Variants in BMAL1 observed in about 807,000 individuals in gnomAD.
BMAL1 encodes the protein basic helix-loop-helix ARNT like 1.
chr11:13,281,242 G>A, the BMAL1 span, among the ~76,000 whole-genome samples: 6 of 152,098 alleles, frequency 3.9e-5, no homozygotes, highest in East Asian at 5.8e-4. Flanking sequence ...GGATGGAAGA[G>A]GCAGAGTCAG....
At chr11:13,363,711 T>C in the BMAL1 span, among the ~76,000 whole-genome samples, 3 of 152,252 alleles carry the variant, frequency 2.0e-5, no homozygotes, top group Non-Finnish European at 1.5e-5. Flanking sequence ...TACTTCCCCA[T>C]GTTTTGAAAA....
At chr11:13,314,353 CTGTT>C in the BMAL1 span, among the ~76,000 whole-genome samples, 1 of 151,448 alleles carries the variant, frequency 6.6e-6, no homozygotes, top group Non-Finnish European at 1.5e-5. Flanking sequence ...GAGGAGTGGT[CTGTT>C]TGTGCAGCCA....
At chr11:13,352,314 C>T in the BMAL1 span, among the ~76,000 whole-genome samples, 17 of 152,132 alleles carry the variant, frequency 1.1e-4, no homozygotes, top group Non-Finnish European at 2.5e-4. Flanking sequence ...GGGCGGCATG[C>T]AGGCCTCTAA....
the BMAL1 span, among the ~76,000 whole-genome samples, chr11:13,314,048 A>G: frequency 6.6e-6 from 1 of 151,898 alleles, no homozygotes; most frequent in Admixed American, 6.6e-5. Flanking sequence ...ACTCAACTCC[A>G]GTTTCCCCCA....
the BMAL1 span, chr11:13,375,475 G>T: frequency 1.6e-6 from 1 of 623,448 alleles, no homozygotes; most frequent in Non-Finnish European, 2.6e-6. Context: ...CCTGAGTGTT[G>T]ACCACTGCAG....
chr11:13,330,824 A>G, the BMAL1 span, among the ~76,000 whole-genome samples: 3 of 152,238 alleles, frequency 2.0e-5, no homozygotes, highest in African/African-American at 7.2e-5. Flanking sequence ...GTGCCACTCA[A>G]AGGCGCAGTA....
the BMAL1 span, among the ~76,000 whole-genome samples, chr11:13,322,778 CTTTTTTTTTTTTTT>C: frequency 1.7e-3 from 86 of 50,346 alleles, no homozygotes; most frequent in African/African-American, 4.5e-3. Flanking sequence ...GTGAGCAAGT[CTTTTTTTTTTTTTT>C]TTTTTTTTTT....
chr11:13,370,484 A>C, the BMAL1 span, among the ~76,000 whole-genome samples: 1 of 152,242 alleles, frequency 6.6e-6, no homozygotes, highest in Non-Finnish European at 1.5e-5. Context: ...CTCCTCCAGC[A>C]TAAATGGCAC....
chr11:13,320,035 T>C, the BMAL1 span, among the ~76,000 whole-genome samples: 1 of 152,234 alleles, frequency 6.6e-6, no homozygotes, highest in Non-Finnish European at 1.5e-5. Context: ...TTCATAGATT[T>C]CTCACAGGAG....
the BMAL1 span, chr11:13,365,541 G>A: frequency 6.2e-7 from 1 of 1,613,656 alleles, no homozygotes; most frequent in Non-Finnish European, 8.5e-7. Context: ...GTGACCGAGG[G>A]AAGATACTCT....
the BMAL1 span, chr11:13,356,310 T>C: frequency 0.02 from 9,266 of 462,684 alleles, 135 homozygotes; most frequent in South Asian, 0.029. Context: ...TAGATATGTA[T>C]GCACATTTAT....
chr11:13,286,021 C>T, the BMAL1 span, among the ~76,000 whole-genome samples: 2 of 152,082 alleles, frequency 1.3e-5, no homozygotes, highest in African/African-American at 4.8e-5. Flanking sequence ...AGGTTTTGTT[C>T]CAAAAGTTTA....
At chr11:13,294,754 T>C in the BMAL1 span, among the ~76,000 whole-genome samples, 1 of 152,228 alleles carries the variant, frequency 6.6e-6, no homozygotes, top group African/African-American at 2.4e-5. Context: ...CATTTTTTTC[T>C]TTATCCTGTA....
chr11:13,341,614 C>T, the BMAL1 span, among the ~76,000 whole-genome samples: 4 of 152,246 alleles, frequency 2.6e-5, no homozygotes, highest in Non-Finnish European at 4.4e-5. Flanking sequence ...AACAGCAGTG[C>T]ATTCTTTTGT....
the BMAL1 span, among the ~76,000 whole-genome samples, chr11:13,377,883 C>T: frequency 1.3e-5 from 2 of 152,246 alleles, no homozygotes; most frequent in Admixed American, 6.5e-5. Flanking sequence ...TCTCTCAAGA[C>T]TCAGCTCGGG....
At chr11:13,341,198 C>T in the BMAL1 span, among the ~76,000 whole-genome samples, 1 of 152,182 alleles carries the variant, frequency 6.6e-6, no homozygotes, top group African/African-American at 2.4e-5. Flanking sequence ...CCTGGCCAGC[C>T]TGCTCTGGAG....
the BMAL1 span, among the ~76,000 whole-genome samples, chr11:13,375,000 G>A: frequency 6.6e-6 from 1 of 152,126 alleles, no homozygotes; most frequent in Non-Finnish European, 1.5e-5. Flanking sequence ...TGCTCCTCAG[G>A]CACTGCTGGG....
the BMAL1 span, among the ~76,000 whole-genome samples, chr11:13,304,297 C>T: frequency 6.6e-6 from 1 of 152,144 alleles, no homozygotes; most frequent in East Asian, 1.9e-4. Context: ...GGGGAGAAGC[C>T]GTTAGATTTG....
the BMAL1 span, chr11:13,379,952 G>C: frequency 3.6e-4 from 55 of 152,354 alleles, 1 homozygote; most frequent in African/African-American, 1.2e-3. Flanking sequence ...ACGCTTTGTG[G>C]AAGTTGCATT....
Sources: allele counts gnomAD v4.1 joint callset (sites outside exome capture counted in the v4.1 genomes callset), GRCh38; gene constraint gnomAD v4.1.1; transcripts MANE v1.5; gene names NCBI Gene and HGNC (gene_info 2026-07-23, HGNC 2026-07-21).